Variants in STIP1 observed in about 807,000 individuals in gnomAD.
STIP1 encodes stress induced phosphoprotein 1.
STIP1 carries 16 observed loss-of-function variants against 77.4 expected under a neutral mutation model. That is an observed-to-expected ratio of 0.21 (90% CI 0.14 to 0.31). STIP1 has a LOEUF of 0.31. STIP1 is among the 10% of genes least tolerant of loss of function. The probability of loss-of-function intolerance (pLI) is 1.00; values close to 1 mark genes in which losing one functional copy is unlikely to be tolerated. For missense variants in STIP1, 524 were observed against 684.8 expected (o/e 0.77, Z 2.62); for synonymous variants, 258 against 246.6 (o/e 1.05, Z -0.44).
rs139981032 is a variant in STIP1, at chr11:64,194,543, G to A, written c.426G>A (p.Arg142=). Residue 142 remains arginine, a synonymous_variant, in exon 4 of 14, where the codon AGG becomes AGA. Coordinates refer to ENST00000305218, the MANE Select transcript of STIP1 (RefSeq NM_006819.3). ...NLYQKLESDP[R]TRTLLSDPTY... Reference sequence around the variant, plus strand: ...ATCAGAAGTTGGAGAGTGATCCCAGGACAAGGACACTACTCAGTGATCCTA... The same window carrying A: ...ATCAGAAGTTGGAGAGTGATCCCAGAACAAGGACACTACTCAGTGATCCTA... The A allele has an allele frequency of 3.2e-5, 51 of 1,613,996 alleles. No homozygotes were observed. Among genetic ancestry groups the A allele is most frequent in the Non-Finnish European group, 4.1e-5 (48 of 1,180,042 alleles).
Position 64,197,252 on chromosome 11 carries a change from A to C in STIP1, c.673-19A>C, listed in dbSNP as rs759728823. ...CCTGAGTTAGATTTGCTCAGCACTC[A>C]CTTCTAAACCTCATCTAGGCACTGA... On this transcript the variant is annotated intron_variant, in intron 5 of 13. Transcript: ENST00000305218. 1 of 1,613,244 alleles carries C rather than the reference A, an allele frequency of 6.2e-7. No homozygotes were observed. The highest frequency in any genetic ancestry group is 1.7e-5 in the Admixed American group (1 of 59,782).
upstream of STIP1, chr11:64,185,738 A>G (rs969373377): frequency 7.8e-5 from 117 of 1,494,586 alleles, 2 homozygotes; most frequent in African/African-American, 1.4e-3. Flanking sequence ...CGGCCTTTTG[A>G]AGGGCAGCGA....
intron 4 of STIP1, among the ~76,000 whole-genome samples, chr11:64,194,890 C>T (rs2134793722): frequency 6.6e-6 from 1 of 152,264 alleles, no homozygotes; most frequent in Admixed American, 6.5e-5. Flanking sequence ...CCCATCCTTT[C>T]CATCTACTTA....
chr11:64,196,241 C>T (rs2134796905), intron 5 of STIP1, among the ~76,000 whole-genome samples: 1 of 151,290 alleles, frequency 6.6e-6, no homozygotes, highest in East Asian at 1.9e-4. Context: ...ACTAAAAACA[C>T]AAAAATTAGC....
intron 2 of STIP1, chr11:64,193,555 G>A: frequency 2.3e-6 from 1 of 441,140 alleles, no homozygotes; most frequent in Non-Finnish European, 4.2e-6. Context: ...AGGCTGAGGT[G>A]GGCGGATCAC....
intron 12 of STIP1, 32 bp downstream of exon 12, chr11:64,203,260 C>A: frequency 6.2e-7 from 1 of 1,610,558 alleles, no homozygotes; most frequent in Non-Finnish European, 8.5e-7. Context: ...AGGGGCCCCC[C>A]CTGCCTCTTT....
At chr11:64,194,411 T>C in intron 3 of STIP1, 68 bp from the exon 4 acceptor site, 1 of 1,610,968 alleles carries the variant, frequency 6.2e-7, no homozygotes. Flanking sequence ...GTCAGTCTGG[T>C]AGGGTATGGG....
intron 10 of STIP1, among the ~76,000 whole-genome samples, 170 bp downstream of exon 10, chr11:64,200,463 C>T (rs900575950): frequency 5.9e-5 from 9 of 152,108 alleles, no homozygotes; most frequent in African/African-American, 2.2e-4. Context: ...GCTCATGCCT[C>T]CACATCCTGC....
Position 64,202,757 on chromosome 11 carries a change from T to A in STIP1, c.1246-119T>A, listed in dbSNP as rs1182526103. On this transcript the variant is annotated intron_variant, in intron 10 of 13. Coordinates refer to ENST00000305218, the MANE Select transcript of STIP1 (RefSeq NM_006819.3). ...TCATCTGGAGTTGTCTTTCCTGATGTTGTCCCCTCTGTTTGGTGCTGGGTG... is the reference window on the plus strand; with the variant it reads ...TCATCTGGAGTTGTCTTTCCTGATGATGTCCCCTCTGTTTGGTGCTGGGTG... 9.1e-6 allele frequency: 9 copies of A among 990,790 alleles called. No homozygotes were observed. The Admixed American group carries it at 1.1e-4, about 12-fold the overall frequency. 61.4% of individuals were successfully genotyped at this position (990,790 alleles called of 1,614,324 possible).
At chr11:64,200,359 TCTC>T (rs1591014346) in intron 10 of STIP1, 66 bp downstream of exon 10, 1 of 1,543,788 alleles carries the variant, frequency 6.5e-7, no homozygotes, top group Non-Finnish European at 8.7e-7. Flanking sequence ...TTTCTCTCTC[TCTC>T]CTCATCAACA....
Position 64,195,759 on chromosome 11 carries a change from AAAGGAGACC to A in STIP1, c.622_630del (p.Glu208_Lys210del). On this transcript the variant is annotated inframe_deletion, in exon 5 of 14. Transcript: ENST00000305218. Reference sequence around the variant, plus strand: ...CACCTCCACCACCACCCCCTCCCAAAAAGGAGACCAAGCCAGAGCCAATGGAAGAAGATC... The same window carrying A: ...CACCTCCACCACCACCCCCTCCCAAAAAGCCAGAGCCAATGGAAGAAGATC... 1 of 1,614,124 alleles carries A rather than the reference AAAGGAGACC, an allele frequency of 6.2e-7. No individual in the cohort carries two copies. The highest frequency in any genetic ancestry group is 8.5e-7 in the Non-Finnish European group (1 of 1,180,022).
At chr11:64,191,299 A>G (rs2134786549) in intron 1 of STIP1, among the ~76,000 whole-genome samples, 1 of 151,884 alleles carries the variant, frequency 6.6e-6, no homozygotes, top group Non-Finnish European at 1.5e-5. Context: ...ACAGAGTGAG[A>G]TGCCATCTTT....
intron 1 of STIP1, among the ~76,000 whole-genome samples, chr11:64,189,733 A>G (rs114828890): frequency 1.5e-3 from 235 of 152,288 alleles, no homozygotes; most frequent in African/African-American, 5.4e-3. Context: ...GCTGGTCATG[A>G]CCTACAAAAT....
intron 10 of STIP1, chr11:64,202,671 G>A: frequency 1.6e-6 from 1 of 607,288 alleles, no homozygotes; most frequent in Non-Finnish European, 2.9e-6. Flanking sequence ...CCCGCTATGT[G>A]TTTTTCATAA....
intron 1 of STIP1, among the ~76,000 whole-genome samples, chr11:64,187,510 G>T (rs537431340): frequency 6.6e-6 from 1 of 152,290 alleles, no homozygotes; most frequent in East Asian, 1.9e-4. Flanking sequence ...GTGAGCTACA[G>T]AGCTGAGCCT....
intron 5 of STIP1, among the ~76,000 whole-genome samples, chr11:64,196,251 C>T (rs1946148690): frequency 6.6e-6 from 1 of 151,724 alleles, no homozygotes; most frequent in South Asian, 2.1e-4. Flanking sequence ...CAAAAATTAG[C>T]CAGGTGTCAT....
intron 4 of STIP1, 45 bp from the exon 5 acceptor site, chr11:64,195,600 G>T (rs755474595): frequency 1.3e-6 from 2 of 1,505,164 alleles, no homozygotes; most frequent in African/African-American, 1.4e-5. Flanking sequence ...TAATTGTGGG[G>T]AGGAGTAATT....
At chr11:64,195,081 C>G (rs778524429) in intron 4 of STIP1, among the ~76,000 whole-genome samples, 1 of 152,174 alleles carries the variant, frequency 6.6e-6, no homozygotes, top group South Asian at 2.1e-4. Context: ...GAGGAATAAA[C>G]TTGACCTCTG....
At position 64,202,904 on chromosome 11, in the gene STIP1, C is replaced by T. The variant is rs1434290633; in HGVS notation, c.1274C>T (p.Pro425Leu). ...TGTGAGGAATGTATCCAGCTGGAGC[C>T]GACCTTCAGTAAGTGCCTTTCTGCT... is the stretch of plus-strand genomic sequence containing the variant. ...KDCEECIQLE[P>L]TFIKGYTRKA... The change falls in exon 11 of 14, where the codon CCG (proline) becomes CTG (leucine). Residue 425 changes from proline (P) to leucine (L), a missense_variant. By Grantham distance (98) the Pro-to-Leu change is moderately conservative (BLOSUM62 -3). Transcript: ENST00000305218. 4 of 1,614,048 alleles carry T rather than the reference C, an allele frequency of 2.5e-6. No homozygotes were observed. Among genetic ancestry groups the T allele is most frequent in the East Asian group, 2.2e-5 (1 of 44,890 alleles).
Sources: gnomAD v4.1 joint callset for allele counts (sites outside exome capture counted in the v4.1 genomes callset) on GRCh38, gnomAD v4.1.1 for gene constraint, MANE v1.5 for transcripts, NCBI Gene and HGNC (gene_info 2026-07-23, HGNC 2026-07-21) for gene names.